PTPRG: variants seen among roughly 807,000 people sequenced by gnomAD.
PTPRG encodes protein tyrosine phosphatase receptor type G.
Under a neutral mutation model 165.3 loss-of-function variants are expected in PTPRG, and 102 were observed. The observed-to-expected ratio is 0.62, with a 90% confidence interval of 0.53 to 0.73. The LOEUF (loss-of-function observed/expected upper bound fraction) is 0.73. Among genes scored for constraint, PTPRG ranks in the 30% least tolerant of loss-of-function variants. The probability of loss-of-function intolerance (pLI) is 0.00; values close to 1 mark genes in which losing one functional copy is unlikely to be tolerated. For synonymous variants in PTPRG, 675 were observed against 669.5 expected, an observed-to-expected ratio of 1.01 and a Z score of -0.13; for missense variants, 1,866 against 1,861.4, an observed-to-expected ratio of 1.00 and a Z score of -0.05.
chr3:61,973,450 A>T (rs2040429255), intron 2 of PTPRG, among the ~76,000 whole-genome samples: 1 of 152,214 alleles, frequency 6.6e-6, no homozygotes, highest in Non-Finnish European at 1.5e-5. Context: ...TCTCCTGCTT[A>T]CTGGCAAGCT....
rs2037876681 is a variant in PTPRG at position 61,881,070 on chromosome 3, G to A, written c.191-108555G>A. Among the ~76,000 whole-genome samples, 4 of 145,806 alleles carry A rather than the reference G, an allele frequency of 2.7e-5. No homozygotes were observed. In the Admixed American group the frequency reaches 2.7e-4, roughly 10 times the overall value. On this transcript the variant is annotated intron_variant, in intron 2 of 29. Transcript: ENST00000474889. ...GCCCTGTCCTTATCATTTTACAAGGGTTTTTTTTTTCCAGATATAAAAATG... is the reference window on the plus strand; with the variant it reads ...GCCCTGTCCTTATCATTTTACAAGGATTTTTTTTTTCCAGATATAAAAATG...
intron 2 of PTPRG, among the ~76,000 whole-genome samples, chr3:61,782,396 T>A (rs980442304): frequency 6.6e-6 from 1 of 152,234 alleles, no homozygotes; most frequent in Non-Finnish European, 1.5e-5. Context: ...TTCATCAATT[T>A]AGTCGTGTGT....
chr3:62,050,716 C>T (rs1369217984), intron 4 of PTPRG, among the ~76,000 whole-genome samples: 1 of 152,104 alleles, frequency 6.6e-6, no homozygotes, highest in Non-Finnish European at 1.5e-5. Context: ...CTGCAAAGTC[C>T]AGAGGTATCA....
chr3:61,809,764 C>T (rs772435943), intron 2 of PTPRG, among the ~76,000 whole-genome samples: 20 of 152,126 alleles, frequency 1.3e-4, no homozygotes, highest in Non-Finnish European at 1.9e-4. Flanking sequence ...ATAATTAAGG[C>T]ATTTGAATCC....
chr3:61,901,519 G>C (rs1009802150), intron 2 of PTPRG, among the ~76,000 whole-genome samples: 1 of 152,162 alleles, frequency 6.6e-6, no homozygotes, highest in African/African-American at 2.4e-5. Flanking sequence ...AGTTCCCTTG[G>C]AAACTATAAA....
In PTPRG at chr3:61,985,264, C is replaced by T. The variant is rs573038888; in HGVS notation, c.191-4361C>T. Among the ~76,000 whole-genome samples the T allele has an allele frequency of 4.6e-5, 7 of 152,334 alleles. No homozygotes were observed. In the South Asian group the frequency reaches 1.4e-3, roughly 32 times the overall value. ...AGGAAGTGACTTCACTCAAGTGTCA[C>T]CGCCACCATAAGTTCCCTCCTGGGG... On this transcript the variant is annotated intron_variant, in intron 2 of 29. Coordinates refer to ENST00000474889, the MANE Select transcript of PTPRG (RefSeq NM_002841.4).
chr3:61,610,215 T>C (rs536669625), intron 1 of PTPRG, among the ~76,000 whole-genome samples: 2 of 151,982 alleles, frequency 1.3e-5, no homozygotes, highest in South Asian at 4.2e-4. Context: ...AACAGTTTAA[T>C]GCATTTAATA....
chr3:62,149,363 T>C (rs568685074), intron 6 of PTPRG, among the ~76,000 whole-genome samples: 9 of 149,502 alleles, frequency 6.0e-5, no homozygotes, highest in African/African-American at 2.2e-4. Context: ...AACCTCCACC[T>C]TCCCAGTTCA....
At chr3:61,632,161 A>C (rs1701788505) in intron 1 of PTPRG, among the ~76,000 whole-genome samples, 1 of 152,166 alleles carries the variant, frequency 6.6e-6, no homozygotes, top group Non-Finnish European at 1.5e-5. Context: ...CAAAAAAATT[A>C]GCTGGGTATG....
chr3:61,744,976 T>G (rs775514737), intron 1 of PTPRG, among the ~76,000 whole-genome samples: 3 of 152,078 alleles, frequency 2.0e-5, no homozygotes, highest in Non-Finnish European at 4.4e-5. Context: ...CACACACATT[T>G]TCTTACCATC....
chr3:62,005,878 T>G (rs1203792080), intron 4 of PTPRG, among the ~76,000 whole-genome samples: 1 of 151,814 alleles, frequency 6.6e-6, no homozygotes, highest in Non-Finnish European at 1.5e-5. Flanking sequence ...AATTTTTGTA[T>G]TTTTAGTAGA....
intron 1 of PTPRG, among the ~76,000 whole-genome samples, chr3:61,627,103 ATTTT>A (rs11411048): frequency 6.7e-6 from 1 of 150,012 alleles, no homozygotes; most frequent in Non-Finnish European, 1.5e-5. Context: ...TTAAAAGCAA[ATTTT>A]TTTTTTTGAA....
intron 16 of PTPRG, 47 bp from the exon 17 acceptor site, chr3:62,262,750 TC>T: frequency 7.0e-7 from 1 of 1,427,972 alleles, no homozygotes; most frequent in Non-Finnish European, 9.8e-7. Flanking sequence ...TATATGGTGT[TC>T]CTTTGTTTCT....
intron 6 of PTPRG, among the ~76,000 whole-genome samples, chr3:62,147,214 A>T (rs1704154595): frequency 6.6e-6 from 1 of 152,234 alleles, no homozygotes; most frequent in Non-Finnish European, 1.5e-5. Flanking sequence ...AACTGGGAAA[A>T]GGAGGCAAAC....
chr3:61,609,618 A>C (rs1479768597), intron 1 of PTPRG, among the ~76,000 whole-genome samples: 1 of 152,134 alleles, frequency 6.6e-6, no homozygotes, highest in Non-Finnish European at 1.5e-5. Context: ...GCACTTCGTG[A>C]GGCCGAGTTG....
At chr3:61,639,333 A>C (rs563356875) in intron 1 of PTPRG, among the ~76,000 whole-genome samples, 2 of 152,324 alleles carry the variant, frequency 1.3e-5, no homozygotes, top group Non-Finnish European at 1.5e-5. Context: ...GTTTAAAATT[A>C]AGTAATGTGA....
At chr3:61,634,475 C>T (rs912548433) in intron 1 of PTPRG, among the ~76,000 whole-genome samples, 8 of 151,748 alleles carry the variant, frequency 5.3e-5, no homozygotes, top group African/African-American at 1.5e-4. Flanking sequence ...CCTGACCTCA[C>T]GATCTGCCAC....
intron 1 of PTPRG, among the ~76,000 whole-genome samples, chr3:61,664,942 C>T (rs959914349): frequency 6.6e-6 from 1 of 152,120 alleles, no homozygotes; most frequent in African/African-American, 2.4e-5. Context: ...ACTGGACATC[C>T]CCTGTTTTGG....
intron 4 of PTPRG, among the ~76,000 whole-genome samples, chr3:62,010,988 G>A (rs2041408829): frequency 2.6e-5 from 4 of 152,152 alleles, no homozygotes; most frequent in Admixed American, 2.6e-4. Context: ...TAAGTGAAAG[G>A]AAAGCCTTCA....
Sources: gnomAD v4.1 joint callset for allele counts (sites outside exome capture counted in the v4.1 genomes callset) on GRCh38, gnomAD v4.1.1 for gene constraint, MANE v1.5 for transcripts, NCBI Gene and HGNC (gene_info 2026-07-23, HGNC 2026-07-21) for gene names.